ENTHD1: variants seen among roughly 807,000 people sequenced by gnomAD.
ENTHD1 encodes ENTH domain containing 1, also known as ENTH domain-containing protein 1.
In ENTHD1, 23 loss-of-function variants were observed where a neutral mutation model predicts 39.1. The ratio of observed to expected loss-of-function variants is 0.59; its 90% CI spans 0.42 to 0.83. The LOEUF (loss-of-function observed/expected upper bound fraction) is 0.83. ENTHD1 is among the 40% of genes least tolerant of loss of function. The probability of loss-of-function intolerance (pLI) is 0.00; values close to 1 mark genes in which losing one functional copy is unlikely to be tolerated. For synonymous variants in ENTHD1, 230 were observed against 258.2 expected, an observed-to-expected ratio of 0.89 and a Z score of 1.05; for missense variants, 624 against 705.4, an observed-to-expected ratio of 0.88 and a Z score of 1.31.
chr22:39,816,990 G>C (rs1338603212), intron 5 of ENTHD1, among the ~76,000 whole-genome samples: 1 of 151,188 alleles, frequency 6.6e-6, no homozygotes, highest in African/African-American at 2.4e-5. Context: ...ATAAAAAATA[G>C]GTTAAAAAAC....
chr22:39,866,393 T>C (rs1272531308), intron 2 of ENTHD1, among the ~76,000 whole-genome samples: 7 of 152,196 alleles, frequency 4.6e-5, no homozygotes, highest in African/African-American at 7.2e-5. Flanking sequence ...ACACTTACAT[T>C]GTAGTTGGTT....
chr22:39,879,849 C>T (rs947625714), intron 2 of ENTHD1, among the ~76,000 whole-genome samples: 1 of 152,166 alleles, frequency 6.6e-6, no homozygotes, highest in African/African-American at 2.4e-5. Context: ...ATTGTCAAAA[C>T]TTGGAAGCAA....
intron 5 of ENTHD1, among the ~76,000 whole-genome samples, chr22:39,812,272 C>T (rs1052747149): frequency 1.3e-5 from 2 of 152,202 alleles, no homozygotes; most frequent in African/African-American, 4.8e-5. Flanking sequence ...AACTGCAACA[C>T]TACAGCCCAC....
chr22:39,876,127 C>T (rs1007181830), intron 2 of ENTHD1: 1 of 1,579,736 alleles, frequency 6.3e-7, no homozygotes, highest in African/African-American at 1.3e-5. Context: ...GACTTGGACT[C>T]AAGTCATAGG....
chr22:39,849,706 T>C (rs564530058), intron 3 of ENTHD1, among the ~76,000 whole-genome samples: 7 of 152,332 alleles, frequency 4.6e-5, no homozygotes, highest in East Asian at 1.9e-4. Flanking sequence ...GTTACTGATA[T>C]ATAGAATATA....
At chr22:39,788,359 A>C (rs1025935463) in intron 5 of ENTHD1, among the ~76,000 whole-genome samples, 54 of 152,232 alleles carry the variant, frequency 3.5e-4, no homozygotes, top group African/African-American at 1.3e-3. Context: ...TCAAGACTTC[A>C]GTGGAGGAAG....
In ENTHD1 at chr22:39,882,395, A is replaced by C. The variant is rs574047993; in HGVS notation, c.349+5005T>G. Among the ~76,000 whole-genome samples the C allele has an allele frequency of 3.3e-5, 5 of 152,336 alleles. 1 individual carries two copies. The South Asian group carries it at 1.0e-3, about 32-fold the overall frequency. ...GAGTTCAAAACATGGACAGCGATAA[A>C]AAAATATTCCAAGGGGAAAGACAAA... On this transcript the variant is annotated intron_variant, in intron 2 of 6. Coordinates refer to ENST00000325157, the MANE Select transcript of ENTHD1 (RefSeq NM_152512.4).
chr22:39,832,875 A>G (rs550788567), intron 4 of ENTHD1, among the ~76,000 whole-genome samples: 1 of 152,308 alleles, frequency 6.6e-6, no homozygotes, highest in Non-Finnish European at 1.5e-5. Context: ...ATAACATAGG[A>G]AGAAAAGTAT....
chr22:39,836,479 G>A (rs1326719887), intron 3 of ENTHD1, among the ~76,000 whole-genome samples: 1 of 152,026 alleles, frequency 6.6e-6, no homozygotes, highest in Admixed American at 6.5e-5. Flanking sequence ...AGCAAAGCAG[G>A]AATGAGAACT....
rs985145378 is a variant in ENTHD1, at chr22:39,825,945, G to A, written c.712-4832C>T. Among the ~76,000 whole-genome samples, 5 of 152,108 alleles carry A rather than the reference G, an allele frequency of 3.3e-5. No individual in the cohort carries two copies. In the East Asian group the frequency reaches 9.6e-4, roughly 29 times the overall value. ...GGCTGGAGTGCAGTGGCATGACTTG[G>A]GCCCACTGCAAGCTCTGCCTCCCAG... On this transcript the variant is annotated intron_variant, in intron 4 of 6. Transcript: ENST00000325157.
At chr22:39,855,228 CTTCT>C (rs2066075384) in intron 3 of ENTHD1, among the ~76,000 whole-genome samples, 2 of 152,170 alleles carry the variant, frequency 1.3e-5, no homozygotes, top group Non-Finnish European at 2.9e-5. Context: ...CTAAACATTC[CTTCT>C]GTTCTCCAAG....
At chr22:39,890,947 A>T (rs2066421861) in intron 1 of ENTHD1, among the ~76,000 whole-genome samples, 1 of 152,230 alleles carries the variant, frequency 6.6e-6, no homozygotes, top group Non-Finnish European at 1.5e-5. Context: ...TTGGTTTATT[A>T]TGTGTTTTAG....
chr22:39,759,281 A>G lies in ENTHD1; in HGVS notation c.1219+5942T>C, dbSNP rs117264811. Among the ~76,000 whole-genome samples, 38 of 152,182 alleles carry G rather than the reference A, an allele frequency of 2.5e-4. No homozygotes were observed. The East Asian group carries it at 7.3e-3, about 29-fold the overall frequency. ...AATATATGTATATGTGTGTTTGTGTATATGTGTGTATCTATATGTCTTTTT... is the reference window on the plus strand; with the variant it reads ...AATATATGTATATGTGTGTTTGTGTGTATGTGTGTATCTATATGTCTTTTT... On this transcript the variant is annotated intron_variant, in intron 6 of 6. Transcript: ENST00000325157.
intron 2 of ENTHD1, among the ~76,000 whole-genome samples, chr22:39,885,106 A>G (rs1220160114): frequency 6.6e-6 from 1 of 152,232 alleles, no homozygotes; most frequent in African/African-American, 2.4e-5. Context: ...CACCTTTCTG[A>G]TAAGGGTCTT....
chr22:39,891,857 T>A (rs1944530373), intron 1 of ENTHD1, among the ~76,000 whole-genome samples: 1 of 152,014 alleles, frequency 6.6e-6, no homozygotes, highest in Non-Finnish European at 1.5e-5. Context: ...TGACCTCAAG[T>A]GATCCGCCTG....
intron 3 of ENTHD1, among the ~76,000 whole-genome samples, chr22:39,848,521 G>C (rs1242116055): frequency 1.3e-5 from 2 of 152,078 alleles, no homozygotes; most frequent in Admixed American, 1.3e-4. Flanking sequence ...CAAAGTGCTG[G>C]GATTACAGGC....
chr22:39,819,781 A>C (rs752520925), intron 5 of ENTHD1, among the ~76,000 whole-genome samples: 1 of 152,234 alleles, frequency 6.6e-6, no homozygotes, highest in African/African-American at 2.4e-5. Context: ...ATTGTAACAA[A>C]TGTACCACTC....
At chr22:39,841,324 T>C (rs1366234851) in intron 3 of ENTHD1, among the ~76,000 whole-genome samples, 1 of 152,200 alleles carries the variant, frequency 6.6e-6, no homozygotes, top group East Asian at 1.9e-4. Context: ...CAGATTTGCA[T>C]GTGGGAGAGC....
intron 4 of ENTHD1, among the ~76,000 whole-genome samples, chr22:39,830,746 A>G (rs1454814367): frequency 1.3e-5 from 2 of 152,202 alleles, no homozygotes; most frequent in African/African-American, 2.4e-5. Context: ...ACTCAAGAAG[A>G]TTTCCTTCTA....
Sources: gnomAD v4.1 joint callset for allele counts (sites outside exome capture counted in the v4.1 genomes callset) on GRCh38, gnomAD v4.1.1 for gene constraint, MANE v1.5 for transcripts, NCBI Gene and HGNC (gene_info 2026-07-23, HGNC 2026-07-21) for gene names.